SRBD1: variants seen among roughly 807,000 people sequenced by gnomAD.
SRBD1 encodes S1 RNA binding domain 1.
In SRBD1, 88 loss-of-function variants were observed where a neutral mutation model predicts 115.3. That is an observed-to-expected ratio of 0.76 (90% CI 0.64 to 0.91). The LOEUF (loss-of-function observed/expected upper bound fraction) is 0.91. Ranked by LOEUF, SRBD1 falls within the 40% of genes least tolerant of loss-of-function variation. The probability of loss-of-function intolerance (pLI) is 0.00; values close to 1 mark genes in which losing one functional copy is unlikely to be tolerated. For missense variants in SRBD1, 1,385 were observed against 1,177.4 expected (o/e 1.18, Z -2.58); for synonymous variants, 509 against 407.7 (o/e 1.25, Z -2.99).
At chr2:45,519,846 C>G (rs1671228493) in intron 14 of SRBD1, among the ~76,000 whole-genome samples, 1 of 152,114 alleles carries the variant, frequency 6.6e-6, no homozygotes, top group African/African-American at 2.4e-5. Context: ...TTAATCCTTG[C>G]AACAACCTTA....
chr2:45,394,574 C>CA (rs1250783905), intron 19 of SRBD1, among the ~76,000 whole-genome samples: 1 of 152,054 alleles, frequency 6.6e-6, no homozygotes, highest in African/African-American at 2.4e-5. Flanking sequence ...GCTGCACTAT[C>CA]AAAAAAAGAA....
intron 20 of SRBD1, 115 bp from the exon 21 acceptor site, chr2:45,389,714 G>A: frequency 1.9e-6 from 2 of 1,048,266 alleles, no homozygotes; most frequent in Non-Finnish European, 2.7e-6. Flanking sequence ...TAAAGATTAA[G>A]GGGGGATTAT....
chr2:45,492,584 G>A (rs576313909), intron 14 of SRBD1, among the ~76,000 whole-genome samples: 20 of 152,126 alleles, frequency 1.3e-4, no homozygotes, highest in African/African-American at 4.3e-4. Context: ...GACTACAGGC[G>A]CCCGCCACCA....
chr2:45,553,775 T>A, intron 10 of SRBD1, 45 bp from the exon 11 acceptor site: 1 of 1,326,352 alleles, frequency 7.5e-7, no homozygotes, highest in Non-Finnish European at 1.0e-6. Flanking sequence ...CAACAATAAA[T>A]AAGGCCATAA....
chr2:45,420,751 C>T (rs184969583), intron 16 of SRBD1, among the ~76,000 whole-genome samples: 1 of 152,182 alleles, frequency 6.6e-6, no homozygotes, highest in Non-Finnish European at 1.5e-5. Context: ...CTTGATAACG[C>T]AGCATTTCTT....
intron 12 of SRBD1, among the ~76,000 whole-genome samples, chr2:45,550,238 C>A (rs1672253659): frequency 6.6e-6 from 1 of 151,912 alleles, no homozygotes; most frequent in Non-Finnish European, 1.5e-5. Flanking sequence ...AGAGAAGAAA[C>A]TGAAAGGTAT....
At chr2:45,394,982 T>C (rs1363908060) in intron 19 of SRBD1, among the ~76,000 whole-genome samples, 1 of 152,222 alleles carries the variant, frequency 6.6e-6, no homozygotes, top group African/African-American at 2.4e-5. Context: ...TTAGTGCTGA[T>C]GGACGAACAG....
chr2:45,505,967 T>A (rs1317271911), intron 14 of SRBD1, among the ~76,000 whole-genome samples: 1 of 152,208 alleles, frequency 6.6e-6, no homozygotes, highest in Admixed American at 6.5e-5. Context: ...TGTTTGTGAA[T>A]GTCAGTCAAT....
intron 19 of SRBD1, among the ~76,000 whole-genome samples, chr2:45,412,736 T>C (rs1200663439): frequency 1.3e-5 from 2 of 152,204 alleles, no homozygotes; most frequent in South Asian, 2.1e-4. Context: ...ATAAAGATAA[T>C]ATTAAGAAAG....
At chr2:45,436,084 T>C (rs1433749867) in intron 16 of SRBD1, among the ~76,000 whole-genome samples, 2 of 152,046 alleles carry the variant, frequency 1.3e-5, no homozygotes, top group Admixed American at 6.6e-5. Context: ...ATCTCAGGTA[T>C]GCAAGTCTGG....
At chr2:45,492,478 G>A (rs567817878) in intron 14 of SRBD1, among the ~76,000 whole-genome samples, 98 of 152,100 alleles carry the variant, frequency 6.4e-4, no homozygotes, top group South Asian at 1.2e-3. Context: ...TCGTTCTGTC[G>A]CCCAGGCTGG....
Position 45,441,442 on chromosome 2 carries a change from A to G in SRBD1, c.2050-21548T>C, listed in dbSNP as rs139375448. The stretch of plus-strand genomic sequence containing the variant: ...TGTAAGTAAATAAATATGATTTGTT[A>G]TTGTATCCTGGTACATAGTACGTAC... On this transcript the variant is annotated intron_variant, in intron 16 of 20. Coordinates refer to ENST00000263736, the MANE Select transcript of SRBD1 (RefSeq NM_018079.5). Among the ~76,000 whole-genome samples the G allele has an allele frequency of 1.5e-3, 225 of 152,264 alleles. 1 individual carries two copies. The highest frequency in any genetic ancestry group is 5.2e-3 in the African/African-American group (215 of 41,544).
chr2:45,442,872 A>AATTT (rs1173108875), intron 16 of SRBD1, among the ~76,000 whole-genome samples: 6 of 152,170 alleles, frequency 3.9e-5, no homozygotes, highest in Non-Finnish European at 5.9e-5. Flanking sequence ...ATTCTAACAA[A>AATTT]ATTTCTTTCC....
chr2:45,445,346 A>G (rs1308918453), intron 16 of SRBD1, among the ~76,000 whole-genome samples: 1 of 152,062 alleles, frequency 6.6e-6, no homozygotes, highest in African/African-American at 2.4e-5. Context: ...TTACCCATTC[A>G]TCTCTAGTGA....
At chr2:45,421,330 A>G (rs1221458772) in intron 16 of SRBD1, among the ~76,000 whole-genome samples, 1 of 151,862 alleles carries the variant, frequency 6.6e-6, no homozygotes, top group Non-Finnish European at 1.5e-5. Flanking sequence ...ACACGGTGAA[A>G]CCCTGTCTCT....
At chr2:45,450,621 A>T (rs1268734812) in intron 16 of SRBD1, among the ~76,000 whole-genome samples, 1 of 152,196 alleles carries the variant, frequency 6.6e-6, no homozygotes, top group Non-Finnish European at 1.5e-5. Flanking sequence ...CAAGAGAATG[A>T]CTATATACGT....
intron 14 of SRBD1, among the ~76,000 whole-genome samples, chr2:45,502,682 G>A (rs1670672772): frequency 6.6e-6 from 1 of 151,858 alleles, no homozygotes; most frequent in Admixed American, 6.6e-5. Flanking sequence ...GGCCTGTCGT[G>A]GGGTGGGGGG....
rs754576082 is a variant in SRBD1, at chr2:45,579,917, C to G, written c.1030G>C (p.Gly344Arg). 14 of 1,610,224 alleles carry G rather than the reference C, an allele frequency of 8.7e-6. No homozygotes were observed. Among genetic ancestry groups the G allele is most frequent in the African/African-American group, 1.3e-5 (1 of 74,822 alleles). ...ATGTACGATAGCAGACTGAGCTCCC[C>G]TGGTTTCTCAAGCAGTGCCCTGGCT... Reference protein sequence around the residue: ...GAARALLEKPGELSLLSYIRP... With the variant: ...GAARALLEKPRELSLLSYIRP... The change falls in exon 7 of 21, where the codon GGG becomes CGG. Residue 344 changes from glycine (G) to arginine (R), a missense_variant. Coordinates refer to ENST00000263736, the MANE Select transcript of SRBD1 (RefSeq NM_018079.5).
At chr2:45,582,745 G>A (rs1433832351) in intron 5 of SRBD1, among the ~76,000 whole-genome samples, 1 of 152,086 alleles carries the variant, frequency 6.6e-6, no homozygotes, top group Non-Finnish European at 1.5e-5. Flanking sequence ...TCTGGCATAT[G>A]ATATTTCAGG....
Sources: gnomAD v4.1 joint callset for allele counts (sites outside exome capture counted in the v4.1 genomes callset) on GRCh38, gnomAD v4.1.1 for gene constraint, MANE v1.5 for transcripts, NCBI Gene and HGNC (gene_info 2026-07-23, HGNC 2026-07-21) for gene names.